CEP128: variants seen among roughly 807,000 people sequenced by gnomAD.
CEP128 encodes the protein centrosomal protein 128kDa.
In CEP128, 132 loss-of-function variants were observed where a neutral mutation model predicts 156.7. The ratio of observed to expected loss-of-function variants is 0.84; its 90% CI spans 0.73 to 0.97. The LOEUF is 0.97. Ranked by LOEUF, CEP128 falls within the 50% of genes least tolerant of loss-of-function variation. The probability of loss-of-function intolerance (pLI) is 0.00; values close to 1 mark genes in which losing one functional copy is unlikely to be tolerated. For missense variants in CEP128, 1,252 were observed against 1,281.9 expected (o/e 0.98, Z 0.36); for synonymous variants, 469 against 448.9 (o/e 1.04, Z -0.57).
intron 17 of CEP128, among the ~76,000 whole-genome samples, chr14:80,759,869 T>G (rs745629781): frequency 7.3e-5 from 11 of 151,162 alleles, no homozygotes; most frequent in Non-Finnish European, 1.3e-4. Flanking sequence ...CATAACAAAC[T>G]GTGTATATAT....
In CEP128 at chr14:80,534,290, G is replaced by C. The variant is rs138872936; in HGVS notation, c.2881-3404C>G. ...ATTAGAATCTTGTCACATTACTTAAGATTTCAAAATTATTTTCACCCCAAA... is the reference window on the plus strand; with the variant it reads ...ATTAGAATCTTGTCACATTACTTAACATTTCAAAATTATTTTCACCCCAAA... On this transcript the variant is annotated intron_variant, in intron 21 of 24. Transcript: ENST00000555265. Among the ~76,000 whole-genome samples, 401 of 151,942 alleles carry C rather than the reference G, an allele frequency of 2.6e-3. 2 individuals carry two copies. The highest frequency in any genetic ancestry group is 9.2e-3 in the African/African-American group (380 of 41,430).
At chr14:80,776,020 G>C (rs989435368) in intron 16 of CEP128, among the ~76,000 whole-genome samples, 5 of 152,038 alleles carry the variant, frequency 3.3e-5, no homozygotes, top group African/African-American at 1.2e-4. Flanking sequence ...TTTTAGCAGA[G>C]ACAGGGCTTC....
chr14:80,520,461 C>A (rs964095789), intron 23 of CEP128, among the ~76,000 whole-genome samples: 3 of 151,338 alleles, frequency 2.0e-5, no homozygotes, highest in Non-Finnish European at 2.9e-5. Context: ...CATTCATTTA[C>A]CCTATTAACA....
At chr14:80,757,437 C>T (rs957525092) in intron 17 of CEP128, among the ~76,000 whole-genome samples, 5 of 152,198 alleles carry the variant, frequency 3.3e-5, no homozygotes, top group African/African-American at 1.2e-4. Flanking sequence ...GACACAAACT[C>T]ATCGACATGA....
chr14:80,620,139 A>T (rs1893418264), intron 19 of CEP128, among the ~76,000 whole-genome samples: 1 of 152,306 alleles, frequency 6.6e-6, no homozygotes, highest in South Asian at 2.1e-4. Flanking sequence ...AAAACAAAAA[A>T]CAAAACAAAA....
At chr14:80,606,964 CACACATATAT>C (rs1231749589) in intron 19 of CEP128, among the ~76,000 whole-genome samples, 5 of 146,250 alleles carry the variant, frequency 3.4e-5, no homozygotes, top group Admixed American at 6.7e-5. Context: ...TGTTTTGATA[CACACATATAT>C]ACATATATAT....
At chr14:80,719,201 T>A (rs534129777) in intron 19 of CEP128, among the ~76,000 whole-genome samples, 1 of 152,308 alleles carries the variant, frequency 6.6e-6, no homozygotes, top group Admixed American at 6.5e-5. Context: ...TACTGCCCCT[T>A]TCCTTGGAAG....
In CEP128 at chr14:80,750,375, C is replaced by T. The variant is rs756147162; in HGVS notation, c.2613+6517G>A. 6.0e-4 allele frequency among the ~76,000 whole-genome samples: 90 copies of T among 150,504 alleles called. 1 individual carries two copies. The highest frequency in any genetic ancestry group is 1.9e-3 in the African/African-American group (80 of 41,396). ...GTTTTTCTCATCTCCAACTGTTTTCCGCCATATGAGAATGAAACTCTACTT... is the reference window on the plus strand; with the variant it reads ...GTTTTTCTCATCTCCAACTGTTTTCTGCCATATGAGAATGAAACTCTACTT... On this transcript the variant is annotated intron_variant, in intron 18 of 24. Transcript: ENST00000555265.
intron 21 of CEP128, among the ~76,000 whole-genome samples, chr14:80,549,239 G>C (rs987984335): frequency 2.0e-5 from 3 of 152,178 alleles, no homozygotes; most frequent in African/African-American, 4.8e-5. Flanking sequence ...ACTAACATTA[G>C]AGCAGTGGGA....
chr14:80,941,950 ATT>A (rs113688192), upstream of CEP128, among the ~76,000 whole-genome samples: 4 of 146,032 alleles, frequency 2.7e-5, no homozygotes, highest in African/African-American at 7.6e-5. Flanking sequence ...GCCCTGCTCT[ATT>A]TTTTTTTTTT....
chr14:80,724,709 C>A (rs1409388452), intron 19 of CEP128, among the ~76,000 whole-genome samples: 1 of 151,802 alleles, frequency 6.6e-6, no homozygotes, highest in Non-Finnish European at 1.5e-5. Context: ...CACTGTCTAG[C>A]GTTCAACTGA....
At chr14:80,661,710 C>A (rs1030919708) in intron 19 of CEP128, among the ~76,000 whole-genome samples, 5 of 152,086 alleles carry the variant, frequency 3.3e-5, no homozygotes, top group Non-Finnish European at 1.5e-5. Context: ...TTTTGCTAGG[C>A]AGTTGGACTT....
At chr14:80,598,399 A>C (rs989489565) in intron 19 of CEP128, among the ~76,000 whole-genome samples, 1 of 152,172 alleles carries the variant, frequency 6.6e-6, no homozygotes, top group Non-Finnish European at 1.5e-5. Context: ...AAATGAAATA[A>C]GTATAAATTT....
chr14:80,879,942 C>A (rs947349650), intron 8 of CEP128, among the ~76,000 whole-genome samples: 3 of 152,074 alleles, frequency 2.0e-5, no homozygotes, highest in Non-Finnish European at 4.4e-5. Context: ...TTACACTCTT[C>A]CAAAAAATGG....
intron 19 of CEP128, among the ~76,000 whole-genome samples, chr14:80,610,808 A>G (rs1471098780): frequency 6.6e-6 from 1 of 152,170 alleles, no homozygotes; most frequent in African/African-American, 2.4e-5. Context: ...GAAACTTGTT[A>G]AATAAATTAT....
At chr14:80,609,623 A>G (rs1892916308) in intron 19 of CEP128, among the ~76,000 whole-genome samples, 1 of 152,144 alleles carries the variant, frequency 6.6e-6, no homozygotes, top group Non-Finnish European at 1.5e-5. Context: ...TAACTGAACC[A>G]CATGGAAATA....
intron 19 of CEP128, among the ~76,000 whole-genome samples, chr14:80,656,135 A>G (rs1032372324): frequency 5.3e-5 from 8 of 151,556 alleles, no homozygotes; most frequent in African/African-American, 1.5e-4. Flanking sequence ...ACAACAGAGG[A>G]AAAACTGTAC....
chr14:80,734,576 A>G (rs1378115916), intron 19 of CEP128, among the ~76,000 whole-genome samples: 1 of 152,074 alleles, frequency 6.6e-6, no homozygotes, highest in Non-Finnish European at 1.5e-5. Context: ...AGGGCTGGGC[A>G]CGGTGGCTCA....
intron 20 of CEP128, among the ~76,000 whole-genome samples, chr14:80,571,746 G>GA (rs1030776758): frequency 8.0e-5 from 12 of 150,000 alleles, no homozygotes; most frequent in East Asian, 3.9e-4. Context: ...GACGAAGAAG[G>GA]AAAAAAAATG....
Sources: allele counts gnomAD v4.1 joint callset (sites outside exome capture counted in the v4.1 genomes callset), GRCh38; gene constraint gnomAD v4.1.1; transcripts MANE v1.5; gene names NCBI Gene and HGNC (gene_info 2026-07-23, HGNC 2026-07-21).